Variants in VPS13B observed in about 807,000 individuals in gnomAD.
VPS13B encodes vacuolar protein sorting 13 homolog B, also known as intermembrane lipid transfer protein VPS13B.
VPS13B carries 285 observed loss-of-function variants against 426.4 expected under a neutral mutation model. The observed-to-expected ratio is 0.67, with a 90% confidence interval of 0.61 to 0.74. The LOEUF (loss-of-function observed/expected upper bound fraction) is 0.74, where lower values mean the gene tolerates loss of function less well. VPS13B is among the 30% of genes least tolerant of loss of function. The pLI, the probability that VPS13B is intolerant of heterozygous loss-of-function variation, is 0.00. For synonymous variants in VPS13B, 1,676 were observed against 1,676.4 expected, an observed-to-expected ratio of 1.00 and a Z score of 0.01; for missense variants, 4,537 against 4,782.6, an observed-to-expected ratio of 0.95 and a Z score of 1.51.
intron 3 of VPS13B, among the ~76,000 whole-genome samples, chr8:99,042,410 A>G (rs1188310229): frequency 1.3e-5 from 2 of 151,946 alleles, no homozygotes; most frequent in Non-Finnish European, 2.9e-5. Context: ...TTATTTCTTT[A>G]CTGTCATAAC....
At chr8:99,157,604 G>A (rs1286091833) in intron 15 of VPS13B, among the ~76,000 whole-genome samples, 1 of 152,094 alleles carries the variant, frequency 6.6e-6, no homozygotes, top group African/African-American at 2.4e-5. Flanking sequence ...CAACAATATT[G>A]AAGTTAGGCC....
At chr8:99,372,047 C>T (rs1421955740) in intron 19 of VPS13B, among the ~76,000 whole-genome samples, 5 of 151,992 alleles carry the variant, frequency 3.3e-5, no homozygotes, top group Admixed American at 2.6e-4. Context: ...GTCAGGAGAT[C>T]GAGACCATCC....
chr8:99,335,287 G>A (rs1810777828), intron 19 of VPS13B, among the ~76,000 whole-genome samples: 1 of 151,912 alleles, frequency 6.6e-6, no homozygotes, highest in South Asian at 2.1e-4. Context: ...TATCGATTTT[G>A]TTGATCCTAT....
chr8:99,261,520 A>G (rs548484406), intron 17 of VPS13B, among the ~76,000 whole-genome samples: 3 of 152,286 alleles, frequency 2.0e-5, no homozygotes, highest in South Asian at 2.1e-4. Context: ...TAAAGCTGCT[A>G]TAAATATCTG....
chr8:99,654,255 A>G (rs1829937848), intron 34 of VPS13B, among the ~76,000 whole-genome samples: 1 of 150,966 alleles, frequency 6.6e-6, no homozygotes, highest in Admixed American at 6.6e-5. Context: ...TCACTGTGTT[A>G]GCAAGGATGA....
At chr8:99,411,156 T>C (rs536708680) in intron 21 of VPS13B, among the ~76,000 whole-genome samples, 1 of 152,338 alleles carries the variant, frequency 6.6e-6, no homozygotes, top group Admixed American at 6.5e-5. Context: ...TCCACAACGG[T>C]TGAACTAATT....
chr8:99,725,155 C>T (rs182622291), intron 39 of VPS13B, among the ~76,000 whole-genome samples: 2 of 152,298 alleles, frequency 1.3e-5, no homozygotes, highest in East Asian at 3.9e-4. Flanking sequence ...CATGGTACTA[C>T]TTTTATGCTA....
chr8:99,577,125 T>C (rs562433280), intron 32 of VPS13B, among the ~76,000 whole-genome samples: 41 of 152,278 alleles, frequency 2.7e-4, no homozygotes, highest in Non-Finnish European at 4.7e-4. Context: ...CAGTAAATAT[T>C]AGTTGGTTTG....
At chr8:99,868,946 G>C (rs531711351) in intron 59 of VPS13B, among the ~76,000 whole-genome samples, 2 of 152,284 alleles carry the variant, frequency 1.3e-5, no homozygotes, top group East Asian at 3.9e-4. Flanking sequence ...CAGAAACAAA[G>C]GGTCTGCAAC....
intron 31 of VPS13B, among the ~76,000 whole-genome samples, chr8:99,562,351 G>A (rs1323282079): frequency 6.7e-6 from 1 of 148,580 alleles, no homozygotes; most frequent in Non-Finnish European, 1.5e-5. Flanking sequence ...TATGATCTCA[G>A]CCCACTGTAA....
intron 21 of VPS13B, among the ~76,000 whole-genome samples, chr8:99,407,918 A>G (rs749004244): frequency 5.9e-5 from 9 of 152,186 alleles, no homozygotes; most frequent in Non-Finnish European, 8.8e-5. Context: ...TTCTAAAGAC[A>G]TGAGGAAATG....
intron 7 of VPS13B, among the ~76,000 whole-genome samples, chr8:99,118,338 T>G (rs1275544331): frequency 1.3e-5 from 2 of 152,186 alleles, no homozygotes; most frequent in African/African-American, 2.4e-5. Context: ...ATTGCTACAC[T>G]TCACCCCTAA....
chr8:99,262,605 T>C (rs1010844762), intron 17 of VPS13B, among the ~76,000 whole-genome samples: 1 of 152,174 alleles, frequency 6.6e-6, no homozygotes, highest in African/African-American at 2.4e-5. Flanking sequence ...TCTTACTATA[T>C]AGTATGAAAG....
At chr8:99,463,913 T>G (rs752090181) in intron 23 of VPS13B, among the ~76,000 whole-genome samples, 8 of 152,180 alleles carry the variant, frequency 5.3e-5, no homozygotes, top group Non-Finnish European at 1.0e-4. Context: ...CAGGCTGGTC[T>G]TGAACTCTCG....
intron 35 of VPS13B, among the ~76,000 whole-genome samples, chr8:99,680,987 C>G (rs953963795): frequency 6.6e-6 from 1 of 152,010 alleles, no homozygotes; most frequent in Non-Finnish European, 1.5e-5. Context: ...TCAATTTTTA[C>G]TTTTATTTTT....
At chr8:99,722,866 C>T (rs1278997664) in intron 39 of VPS13B, among the ~76,000 whole-genome samples, 2 of 152,152 alleles carry the variant, frequency 1.3e-5, no homozygotes, top group Non-Finnish European at 2.9e-5. Context: ...TTTCAATCAA[C>T]ATGAAAATAC....
intron 35 of VPS13B, among the ~76,000 whole-genome samples, chr8:99,668,968 C>G (rs1266765187): frequency 6.6e-6 from 1 of 152,144 alleles, no homozygotes; most frequent in Non-Finnish European, 1.5e-5. Context: ...CATAATAAAT[C>G]CATTCCCAAC....
intron 25 of VPS13B, among the ~76,000 whole-genome samples, chr8:99,497,854 A>G (rs1821014463): frequency 6.6e-6 from 1 of 152,142 alleles, no homozygotes; most frequent in Non-Finnish European, 1.5e-5. Context: ...TCCTGAAAAT[A>G]CTTATGTCAT....
chr8:99,780,383 C>T (rs1811958906), intron 42 of VPS13B, among the ~76,000 whole-genome samples: 1 of 152,154 alleles, frequency 6.6e-6, no homozygotes, highest in South Asian at 2.1e-4. Context: ...GTAGCAACTA[C>T]TGCAAAATGG....
Sources: allele counts gnomAD v4.1 joint callset (sites outside exome capture counted in the v4.1 genomes callset), GRCh38; gene constraint gnomAD v4.1.1; transcripts MANE v1.5; gene names NCBI Gene and HGNC (gene_info 2026-07-23, HGNC 2026-07-21).